The following KIF5C variants were observed in gnomAD, a reference collection of about 807,000 sequenced individuals.
KIF5C encodes kinesin heavy chain isoform 5C.
KIF5C carries 18 observed loss-of-function variants against 125.2 expected under a neutral mutation model. That is an observed-to-expected ratio of 0.14 (90% CI 0.10 to 0.21). The LOEUF (loss-of-function observed/expected upper bound fraction) is 0.21, where lower values mean the gene tolerates loss of function less well. Ranked by LOEUF, KIF5C falls within the 10% of genes least tolerant of loss-of-function variation. KIF5C has a pLI of 1.00. For synonymous variants in KIF5C, 405 were observed against 434.0 expected (o/e 0.93, Z 0.83); for missense variants, 780 against 1,183.8 (o/e 0.66, Z 5.01).
intron 15 of KIF5C, among the ~76,000 whole-genome samples, chr2:148,985,047 C>CCTGCCT (rs2105164050): frequency 6.6e-6 from 1 of 152,230 alleles, no homozygotes; most frequent in Admixed American, 6.5e-5. Flanking sequence ...AAGTGATTCG[C>CCTGCCT]CTGCCTCTGC....
chr2:148,996,087 G>A (rs555440288), intron 17 of KIF5C, among the ~76,000 whole-genome samples: 2 of 152,236 alleles, frequency 1.3e-5, no homozygotes, highest in East Asian at 1.9e-4. Context: ...TCCAGGAGGC[G>A]GAGGTTGTAA....
At chr2:149,002,519 C>T (rs1681881079) in intron 21 of KIF5C, among the ~76,000 whole-genome samples, 2 of 152,216 alleles carry the variant, frequency 1.3e-5, no homozygotes, top group Admixed American at 6.5e-5. Flanking sequence ...AACATGCACA[C>T]TTGCATTCAC....
At position 148,909,927 on chromosome 2, in the gene KIF5C, T is replaced by G. The variant is rs546067457; in HGVS notation, c.127-12210T>G. Among the ~76,000 whole-genome samples the G allele has an allele frequency of 7.2e-5, 11 of 152,368 alleles. No individual in the cohort carries two copies. The East Asian group carries it at 1.9e-3, about 27-fold the overall frequency. ...GTCTCTGAACTCTGATTTCTCCATCTGTAAAATGGATATTATAATGCTAAC... is the reference window on the plus strand; with the variant it reads ...GTCTCTGAACTCTGATTTCTCCATCGGTAAAATGGATATTATAATGCTAAC... On this transcript the variant is annotated intron_variant, in intron 1 of 25. Transcript: ENST00000435030.
intron 2 of KIF5C, among the ~76,000 whole-genome samples, chr2:148,927,413 T>C (rs917768592): frequency 1.3e-5 from 2 of 152,108 alleles, no homozygotes; most frequent in Admixed American, 6.6e-5. Context: ...TTCGGTGCTG[T>C]TCTAACACCT....
intron 3 of KIF5C, among the ~76,000 whole-genome samples, chr2:148,936,341 T>G (rs973521422): frequency 7.9e-5 from 12 of 152,324 alleles, no homozygotes; most frequent in African/African-American, 2.2e-4. Context: ...TTGTTGGCAC[T>G]GATCACTTTA....
At chr2:148,950,595 G>C (rs1682634360) in intron 10 of KIF5C, 133 bp downstream of exon 10, 1 of 1,308,348 alleles carries the variant, frequency 7.6e-7, no homozygotes, top group Non-Finnish European at 1.0e-6. Flanking sequence ...GATTGCCTGA[G>C]GTCAGGAGTT....
chr2:148,992,598 A>C (rs1681556286), intron 16 of KIF5C, among the ~76,000 whole-genome samples: 1 of 152,214 alleles, frequency 6.6e-6, no homozygotes, highest in African/African-American at 2.4e-5. Flanking sequence ...AAAATGTAAA[A>C]ACCTAGCCAT....
Position 148,924,291 on chromosome 2 carries a change from T to G in KIF5C, c.217+2064T>G, listed in dbSNP as rs1167963326. Reference sequence around the variant, plus strand: ...AGGCGGTGCTGTGGAGCCCTTTTTTTCTAGAGGCTAATAATTAAATCAGAT... The same window carrying G: ...AGGCGGTGCTGTGGAGCCCTTTTTTGCTAGAGGCTAATAATTAAATCAGAT... On this transcript the variant is annotated intron_variant, in intron 2 of 25. Transcript: ENST00000435030. This position sits in a 1 kb window ranked among gnomAD's most constrained non-coding sequence, Gnocchi z 4.0. Among the ~76,000 whole-genome samples, 1 of 152,164 alleles carries G rather than the reference T, an allele frequency of 6.6e-6. No homozygotes were observed. Among genetic ancestry groups the G allele is most frequent in the African/African-American group, 2.4e-5 (1 of 41,442 alleles).
At chr2:149,003,140 T>TGCA (rs1189429815) in intron 21 of KIF5C, among the ~76,000 whole-genome samples, 1 of 152,174 alleles carries the variant, frequency 6.6e-6, no homozygotes, top group East Asian at 1.9e-4. Context: ...AGCCCTGCAG[T>TGCA]GTATGCCGTT....
chr2:149,023,259 T>G lies in KIF5C; in HGVS notation c.*189T>G, dbSNP rs2105217371. 1 of 152,334 alleles carries G rather than the reference T, an allele frequency of 6.6e-6. No individual in the cohort carries two copies. The highest frequency in any genetic ancestry group is 2.4e-5 in the African/African-American group (1 of 41,560). 9.4% of individuals were successfully genotyped at this position (152,334 alleles called of 1,614,324 possible). A position where few individuals can be genotyped will look rare whatever the true frequency, so the allele number is the denominator to read the frequency against. On this transcript the variant is annotated 3_prime_UTR_variant, in exon 26 of 26. Transcript: ENST00000435030. Reference sequence around the variant, plus strand: ...ACAGATGTGTGCTCGGACTTTTCTCTTTTTGAGAAATCTGAAGGAGATGGT... The same window carrying G: ...ACAGATGTGTGCTCGGACTTTTCTCGTTTTGAGAAATCTGAAGGAGATGGT...
Position 148,962,092 on chromosome 2 carries a change from G to A in KIF5C, c.1090G>A (p.Glu364Lys). The change falls in exon 11 of 26, where the codon GAG becomes AAG. Residue 364 changes from glutamate (E) to lysine (K), a missense_variant. Glu to Lys is a moderately conservative substitution (Grantham distance 56). Transcript: ENST00000435030. ...TTTGAAGAATGTTATCCAGCATCTG[G>A]AGATGGAGCTAAACAGGTGGAGGAA... is the stretch of plus-strand genomic sequence containing the variant. ...KTLKNVIQHL[E>K]MELNRWRNGE... 6.2e-7 allele frequency: 1 copy of A among 1,611,598 alleles called. No homozygotes were observed. Among genetic ancestry groups the A allele is most frequent in the Non-Finnish European group, 8.5e-7 (1 of 1,178,634 alleles).
chr2:148,939,081 A>G (rs1293147446), intron 4 of KIF5C, among the ~76,000 whole-genome samples: 2 of 142,162 alleles, frequency 1.4e-5, no homozygotes, highest in Non-Finnish European at 3.0e-5. Flanking sequence ...GGCGACAGAG[A>G]GAGATTCTGT....
chr2:148,935,883 G>C (rs1053699430), intron 3 of KIF5C, among the ~76,000 whole-genome samples: 4 of 152,150 alleles, frequency 2.6e-5, no homozygotes, highest in African/African-American at 9.7e-5. Flanking sequence ...CTATCTTTAG[G>C]AAGTATGCAG....
chr2:148,994,654 C>A, intron 17 of KIF5C, 116 bp downstream of exon 17: 3 of 1,204,230 alleles, frequency 2.5e-6, no homozygotes, highest in Non-Finnish European at 3.3e-6. Flanking sequence ...AGGTCTACTG[C>A]AAACAAAACC....
chr2:148,980,576 G>A (rs1485048901), intron 13 of KIF5C, among the ~76,000 whole-genome samples: 3 of 152,042 alleles, frequency 2.0e-5, no homozygotes, highest in Non-Finnish European at 4.4e-5. Context: ...AGTTGATTGT[G>A]AAGTCAACCA....
rs1682641851 is a variant in KIF5C, at chr2:149,024,755, T to C, written c.*1685T>C. Reference sequence around the variant, plus strand: ...TATTGAAGTATTTATTTTGTGAAGATGGCAATTTTGCATTTGTTTAAATTT... The same window carrying C: ...TATTGAAGTATTTATTTTGTGAAGACGGCAATTTTGCATTTGTTTAAATTT... On this transcript the variant is annotated 3_prime_UTR_variant, in exon 26 of 26. Coordinates refer to ENST00000435030, the MANE Select transcript of KIF5C (RefSeq NM_004522.3). 6.6e-6 allele frequency: 1 copy of C among 152,624 alleles called. No homozygotes were observed. Among genetic ancestry groups the C allele is most frequent in the African/African-American group, 2.4e-5 (1 of 41,450 alleles). 9.5% of individuals were successfully genotyped at this position (152,624 alleles called of 1,614,324 possible). A position where few individuals can be genotyped will look rare whatever the true frequency, so the allele number is the denominator to read the frequency against.
At chr2:148,953,227 A>G (rs1682711250) in intron 10 of KIF5C, among the ~76,000 whole-genome samples, 1 of 152,236 alleles carries the variant, frequency 6.6e-6, no homozygotes, top group Non-Finnish European at 1.5e-5. Flanking sequence ...TGCTTATCAA[A>G]TGAATGAACA....
In KIF5C at chr2:148,941,945, C is replaced by A. The variant is rs375278207; in HGVS notation, c.456C>A (p.Thr152=). ...KIRDLLDVSK[T]NLAVHEDKNR... ...TTCTCATCTTTTTAGTATCCAAGAC[C>A]AACTTGGCTGTTCATGAAGATAAAA... Residue 152 remains threonine (T), a synonymous_variant, in exon 6 of 26, where the codon ACC becomes ACA. Transcript: ENST00000435030. 1.9e-6 allele frequency: 3 copies of A among 1,611,894 alleles called. No individual in the cohort carries two copies. Among genetic ancestry groups the A allele is most frequent in the South Asian group, 2.2e-5 (2 of 90,102 alleles).
intron 14 of KIF5C, among the ~76,000 whole-genome samples, chr2:148,983,251 G>T (rs146065911): frequency 6.6e-6 from 1 of 152,328 alleles, no homozygotes; most frequent in African/African-American, 2.4e-5. Context: ...GGGGACCCTT[G>T]CAGGTAAGTT....
Sources: allele counts gnomAD v4.1 joint callset (sites outside exome capture counted in the v4.1 genomes callset), GRCh38; gene constraint gnomAD v4.1.1; non-coding constraint Gnocchi (gnomAD v3.1); transcripts MANE v1.5; gene names NCBI Gene and HGNC (gene_info 2026-07-23, HGNC 2026-07-21).